CAMTA2: variants seen among roughly 807,000 people sequenced by gnomAD.
CAMTA2 encodes the protein calmodulin-binding transcription activator 2.
In CAMTA2, 56 loss-of-function variants were observed where a neutral mutation model predicts 135.7. The ratio of observed to expected loss-of-function variants is 0.41; its 90% CI spans 0.33 to 0.52. CAMTA2 has a LOEUF of 0.52. Among genes scored for constraint, CAMTA2 ranks in the 20% least tolerant of loss-of-function variants. The pLI is 0.16. For missense variants in CAMTA2, 1,358 were observed against 1,553.4 expected (o/e 0.87, Z 2.11); for synonymous variants, 591 against 604.6 (o/e 0.98, Z 0.33).
At chr17:4,974,335 G>T in intron 12 of CAMTA2, 50 bp downstream of exon 12, 1 of 1,174,176 alleles carries the variant, frequency 8.5e-7, no homozygotes, top group Non-Finnish European at 1.3e-6. Context: ...CTTTAGCTGT[G>T]TCCTCCCCCT....
chr17:4,969,824 C>A lies in CAMTA2; in HGVS notation c.3189+78G>T. On this transcript the variant is annotated intron_variant, in intron 18 of 22. Coordinates refer to ENST00000348066, the MANE Select transcript of CAMTA2 (RefSeq NM_015099.4). The surrounding 1 kb of genome is among the most constrained non-coding windows in gnomAD (Gnocchi z 5.6). ...TCCAAGGCCTGTCTGCACGACTACT[C>A]ATCCTCCAAAAGCCCTGGGAGCCCA... 3 of 1,592,882 alleles carry A rather than the reference C, an allele frequency of 1.9e-6. No individual in the cohort carries two copies. The South Asian group carries it at 3.3e-5, about 18-fold the overall frequency.
In CAMTA2 at chr17:4,982,747, ACT is replaced by A; in HGVS notation, c.339+8_339+9del. ...CTCGGGAAGATGAGCTGAATATCTG[ACT>A]CTCTTACCTCCATGCCCTGGACCTT... On this transcript the variant is annotated splice_region_variant and intron_variant, in intron 5 of 22. Coordinates refer to ENST00000348066, the MANE Select transcript of CAMTA2 (RefSeq NM_015099.4). The A allele has an allele frequency of 6.2e-7, 1 of 1,612,634 alleles. No individual in the cohort carries two copies. The highest frequency in any genetic ancestry group is 8.5e-7 in the Non-Finnish European group (1 of 1,179,536).
chr17:4,979,334 AC>A (rs1274958278), intron 9 of CAMTA2: 2 of 168,184 alleles, frequency 1.2e-5, no homozygotes, highest in African/African-American at 4.8e-5. Context: ...ACATGGTGAA[AC>A]CCCATCTCTA....
In CAMTA2 at chr17:4,968,966, G is replaced by C; in HGVS notation, c.3486C>G (p.Thr1162=). The change falls in exon 22 of 23, where the codon ACC becomes ACG. Residue 1162 remains threonine, a synonymous_variant. Transcript: ENST00000348066. ...TCCGGGCTGCCTGGTCCTGCTTCTT[G>C]GTGAGAAAGGAGCCTCTGGTGAAAG... is the stretch of plus-strand genomic sequence containing the variant. ...LPARNKGSFL[T]KKQDQAARKI... 2 of 1,614,112 alleles carry C rather than the reference G, an allele frequency of 1.2e-6. No individual in the cohort carries two copies. The highest frequency in any genetic ancestry group is 8.5e-7 in the Non-Finnish European group (1 of 1,179,986).
At chr17:4,979,425 G>A (rs1389039959) in intron 9 of CAMTA2, 5 of 269,522 alleles carry the variant, frequency 1.9e-5, no homozygotes, top group South Asian at 7.8e-5. Context: ...CAGGAGAATC[G>A]TTTGAACCCG....
Position 4,978,645 on chromosome 17 carries a change from CAG to C in CAMTA2, c.1639-17_1639-16del, listed in dbSNP as rs1386610491. ...TTGACCCCACCCTGCAGACAGAAGT[CAG>C]AGACCATGTGACTGGAGTTGGGCGT... is the stretch of plus-strand genomic sequence containing the variant. On this transcript the variant is annotated splice_polypyrimidine_tract_variant and intron_variant, in intron 9 of 22. Coordinates refer to ENST00000348066, the MANE Select transcript of CAMTA2 (RefSeq NM_015099.4). 2 of 1,610,314 alleles carry C rather than the reference CAG, an allele frequency of 1.2e-6. No homozygotes were observed. The highest frequency in any genetic ancestry group is 2.7e-5 in the African/African-American group (2 of 74,868).
Position 4,977,053 on chromosome 17 carries a change from C to T in CAMTA2, c.1900+5G>A. On this transcript the variant is annotated splice_donor_5th_base_variant and intron_variant, in intron 11 of 22. Coordinates refer to ENST00000348066, the MANE Select transcript of CAMTA2 (RefSeq NM_015099.4). ...ATACTTGGGTTCAGAGGGCTGGGTA[C>T]TCACCGTCCAGTGACAGCCAGTCAA... The T allele has an allele frequency of 6.2e-7, 1 of 1,614,080 alleles. No individual in the cohort carries two copies. The highest frequency in any genetic ancestry group is 8.5e-7 in the Non-Finnish European group (1 of 1,179,970).
intron 11 of CAMTA2, among the ~76,000 whole-genome samples, chr17:4,976,517 T>G (rs1156951554): frequency 6.6e-6 from 1 of 151,990 alleles, no homozygotes; most frequent in African/African-American, 2.4e-5. Context: ...CTGGCCAACA[T>G]GGCGAAACCT....
In CAMTA2 at chr17:4,987,651, C is replaced by A. The variant is rs945560434; in HGVS notation, c.-123G>T. ...CCATTCTACCCCACACCGACCCCCC[C>A]CAGCGCCGGCTGACAGCGGCGTCTA... On this transcript the variant is annotated 5_prime_UTR_variant, in exon 1 of 23. Coordinates refer to ENST00000348066, the MANE Select transcript of CAMTA2 (RefSeq NM_015099.4). The A allele has an allele frequency of 9.9e-6, 15 of 1,521,710 alleles. No individual in the cohort carries two copies. Among genetic ancestry groups the A allele is most frequent in the Admixed American group, 4.0e-5 (2 of 49,680 alleles). The allele number at this position is 1,521,710 out of a possible 1,614,324, so 94.3% of individuals were successfully genotyped here.
chr17:4,974,681 A>T (rs979513611), intron 11 of CAMTA2, 181 bp from the exon 12 acceptor site: 1 of 558,098 alleles, frequency 1.8e-6, no homozygotes, highest in Non-Finnish European at 3.2e-6. Flanking sequence ...CAGTCCTTAA[A>T]CTAGGGCTGT....
chr17:4,981,450 A>G, intron 7 of CAMTA2, 91 bp from the exon 8 acceptor site: 1 of 1,543,226 alleles, frequency 6.5e-7, no homozygotes, highest in Non-Finnish European at 8.8e-7. Flanking sequence ...ACATGCTTCA[A>G]GACTTCTGGC....
intron 11 of CAMTA2, 121 bp downstream of exon 11, chr17:4,976,936 GA>G (rs199744550): frequency 0.14 from 104,007 of 745,120 alleles, 3,017 homozygotes; most frequent in Admixed American, 0.21. Flanking sequence ...AATAGGAATT[GA>G]AAAAAAAAAA....
Position 4,970,494 on chromosome 17 carries a change from G to T in CAMTA2, c.2851C>A (p.Pro951Thr), listed in dbSNP as rs1410291183. 2 of 1,613,618 alleles carry T rather than the reference G, an allele frequency of 1.2e-6. No homozygotes were observed. The highest frequency in any genetic ancestry group is 1.7e-6 in the Non-Finnish European group (2 of 1,180,034). The change falls in exon 17 of 23, where the codon CCG becomes ACG. Residue 951 changes from proline to threonine, a missense_variant. Pro to Thr is a conservative substitution (Grantham distance 38). Coordinates refer to ENST00000348066, the MANE Select transcript of CAMTA2 (RefSeq NM_015099.4). ...AAGTCCTCTCGTTTAATCCGCTCCG[G>T]TGTGGCTTCGATGATCTGCTTGGCT... ...SLAKQIIEATPERIKREDFVG... is the reference protein window; with the variant it reads ...SLAKQIIEATTERIKREDFVG...
intron 11 of CAMTA2, 54 bp downstream of exon 11, chr17:4,977,004 T>A: frequency 1.1e-5 from 18 of 1,596,354 alleles, no homozygotes; most frequent in Non-Finnish European, 1.5e-5. Flanking sequence ...TAGGAGCATG[T>A]CATGCTTAAA....
rs773622894 is a variant in CAMTA2, at chr17:4,968,695, C to T, written c.*61G>A. On this transcript the variant is annotated 3_prime_UTR_variant, in exon 23 of 23. Coordinates refer to ENST00000348066, the MANE Select transcript of CAMTA2 (RefSeq NM_015099.4). ...CAGGGGCTCCCCCTGCCCCAGAAAG[C>T]CCTCTCCCTGTTAAGACTGCACGAG... is the stretch of plus-strand genomic sequence containing the variant. 1.1e-5 allele frequency: 17 copies of T among 1,600,092 alleles called. 1 individual carries two copies. In the South Asian group the frequency reaches 1.8e-4, roughly 17 times the overall value.
Position 4,986,230 on chromosome 17 carries a change from G to A in CAMTA2, c.-8C>T. On this transcript the variant is annotated 5_prime_UTR_variant, in exon 2 of 23. Coordinates refer to ENST00000348066, the MANE Select transcript of CAMTA2 (RefSeq NM_015099.4). Reference sequence around the variant, plus strand: ...GGTGTCCTTGGTATTCATGGTGAGGGCTCCAGGGGGCAAGGTCACCCCCGG... The same window carrying A: ...GGTGTCCTTGGTATTCATGGTGAGGACTCCAGGGGGCAAGGTCACCCCCGG... 1 of 1,608,218 alleles carries A rather than the reference G, an allele frequency of 6.2e-7. No homozygotes were observed. Among genetic ancestry groups the A allele is most frequent in the Non-Finnish European group, 8.5e-7 (1 of 1,174,710 alleles).
Position 4,968,100 on chromosome 17 carries a change from A to G in CAMTA2, c.*656T>C. On this transcript the variant is annotated 3_prime_UTR_variant, in exon 23 of 23. Coordinates refer to ENST00000348066, the MANE Select transcript of CAMTA2 (RefSeq NM_015099.4). ...GGCCCCCGCCGCGCTAGAGAACCAC[A>G]AGCCCGGCCGTGCAGCCCTCCCCGC... 2 of 483,138 alleles carry G rather than the reference A, an allele frequency of 4.1e-6. No individual in the cohort carries two copies. The highest frequency in any genetic ancestry group is 5.0e-5 in the South Asian group (2 of 40,384). The allele number at this position is 483,138 out of a possible 1,614,324, so 29.9% of individuals were successfully genotyped here. A position where few individuals can be genotyped will look rare whatever the true frequency, so the allele number is the denominator to read the frequency against.
chr17:4,983,969 G>T (rs1352785588), intron 3 of CAMTA2, among the ~76,000 whole-genome samples: 1 of 151,020 alleles, frequency 6.6e-6, no homozygotes, highest in Admixed American at 6.6e-5. Flanking sequence ...TTATTTTTTT[G>T]AGACAGAGTC....
Position 4,981,802 on chromosome 17 carries a change from C to A in CAMTA2, c.441G>T (p.Leu147=). The A allele has an allele frequency of 6.2e-7, 1 of 1,610,666 alleles. No individual in the cohort carries two copies. Among genetic ancestry groups the A allele is most frequent in the South Asian group, 1.1e-5 (1 of 90,864 alleles). The change falls in exon 7 of 23, where the codon CTG becomes CTT. Residue 147 remains leucine (L), a synonymous_variant. Coordinates refer to ENST00000348066, the MANE Select transcript of CAMTA2 (RefSeq NM_015099.4). ...CACAGTCCTCCAGGGCTGGGACGTTCAGGTAGTGCACAAGGACGATGTCAG... is the reference window on the plus strand; with the variant it reads ...CACAGTCCTCCAGGGCTGGGACGTTAAGGTAGTGCACAAGGACGATGTCAG... ...QNPDIVLVHY[L]NVPALEDCGK... is the part of the protein sequence containing the mutation.
Sources: gnomAD v4.1 joint callset for allele counts (sites outside exome capture counted in the v4.1 genomes callset) on GRCh38, gnomAD v4.1.1 for gene constraint, Gnocchi (gnomAD v3.1) non-coding constraint, MANE v1.5 for transcripts, NCBI Gene and HGNC (gene_info 2026-07-23, HGNC 2026-07-21) for gene names.